Variants in CDH23 observed in about 807,000 individuals in gnomAD.
CDH23 encodes the protein cadherin-23.
Under a neutral mutation model 317.1 loss-of-function variants are expected in CDH23, and 189 were observed. The observed-to-expected ratio is 0.60, with a 90% confidence interval of 0.53 to 0.67. The LOEUF (loss-of-function observed/expected upper bound fraction) is 0.67, where lower values mean the gene tolerates loss of function less well. CDH23 is among the 30% of genes least tolerant of loss of function. The probability of loss-of-function intolerance (pLI) is 0.00; values close to 1 mark genes in which losing one functional copy is unlikely to be tolerated. For missense variants in CDH23, 4,401 were observed against 4,592.4 expected, an observed-to-expected ratio of 0.96 and a Z score of 1.20; for synonymous variants, 1,839 against 1,876.8, an observed-to-expected ratio of 0.98 and a Z score of 0.52.
At chr10:71,783,894 C>T (rs974786623) in intron 41 of CDH23, among the ~76,000 whole-genome samples, 2 of 152,190 alleles carry the variant, frequency 1.3e-5, no homozygotes, top group Admixed American at 6.5e-5. Context: ...TCGTACATTG[C>T]GAAGCACCTG....
intron 4 of CDH23, 130 bp downstream of exon 4, chr10:71,510,354 T>C: frequency 9.6e-7 from 1 of 1,039,880 alleles, no homozygotes; most frequent in East Asian, 2.5e-5. Context: ...GGCATCTTCC[T>C]GCCTGAATGG....
chr10:71,741,104 C>T lies in CDH23; in HGVS notation c.4617+154C>T, dbSNP rs1227053. On this transcript the variant is annotated intron_variant, in intron 37 of 69. Coordinates refer to ENST00000224721, the MANE Select transcript of CDH23 (RefSeq NM_022124.6). ...GGCTCATTCGTAGTGATAGCCCTAA[C>T]GCCTAGCCTGGATCCTAGAATGCAG... 0.71 allele frequency among the ~76,000 whole-genome samples: 107,936 copies of T among 152,126 alleles called. 38,852 individuals carry two copies. Among genetic ancestry groups the T allele is most frequent in the Non-Finnish European group, 0.78 (53,098 of 67,986 alleles).
intron 14 of CDH23, among the ~76,000 whole-genome samples, chr10:71,651,289 G>C (rs1863155366): frequency 6.6e-6 from 1 of 151,656 alleles, no homozygotes; most frequent in African/African-American, 2.4e-5. Context: ...CAACACTTTG[G>C]GAGGCCAAGG....
intron 6 of CDH23, among the ~76,000 whole-genome samples, chr10:71,539,628 T>A (rs2132283695): frequency 6.6e-6 from 1 of 152,192 alleles, no homozygotes; most frequent in African/African-American, 2.4e-5. Context: ...CCAGCCTCTC[T>A]CCTCCTTGGA....
rs145819124 is a variant in CDH23, at chr10:71,506,628, C to A, written c.146-3454C>A. On this transcript the variant is annotated intron_variant, in intron 3 of 69. Coordinates refer to ENST00000224721, the MANE Select transcript of CDH23 (RefSeq NM_022124.6). ...CACAACCATAGGTTGCTGGAAACCTCCCCTGGTGGAGAAACAAGCCTTGCT... is the reference window on the plus strand; with the variant it reads ...CACAACCATAGGTTGCTGGAAACCTACCCTGGTGGAGAAACAAGCCTTGCT... 5.3e-3 allele frequency among the ~76,000 whole-genome samples: 806 copies of A among 152,130 alleles called. 16 individuals are homozygous for A. The highest frequency in any genetic ancestry group is 0.018 in the African/African-American group (751 of 41,518).
chr10:71,485,242 G>C (rs1037603886), intron 3 of CDH23, among the ~76,000 whole-genome samples: 2 of 152,002 alleles, frequency 1.3e-5, no homozygotes, highest in Non-Finnish European at 2.9e-5. Flanking sequence ...AGCCAGCATG[G>C]TCTCAATCTC....
At chr10:71,753,320 TAC>T (rs1339072041) in intron 38 of CDH23, among the ~76,000 whole-genome samples, 1 of 152,258 alleles carries the variant, frequency 6.6e-6, no homozygotes, top group Non-Finnish European at 1.5e-5. Context: ...TGGCTTGACT[TAC>T]ACAGTGTCAG....
At position 71,523,269 on chromosome 10, in the gene CDH23, G is replaced by A. The variant is rs76558024; in HGVS notation, c.429+12057G>A. Reference sequence around the variant, plus strand: ...CAAAAATCTTTAAGGGCTCCTTAGCGGCTAGAACTGATTGTTTTTTCCTTT... The same window carrying A: ...CAAAAATCTTTAAGGGCTCCTTAGCAGCTAGAACTGATTGTTTTTTCCTTT... On this transcript the variant is annotated intron_variant, in intron 6 of 69. Transcript: ENST00000224721. 8.5e-5 allele frequency among the ~76,000 whole-genome samples: 13 copies of A among 152,320 alleles called. No individual in the cohort carries two copies. The East Asian group carries it at 9.6e-4, about 11-fold the overall frequency.
intron 14 of CDH23, among the ~76,000 whole-genome samples, chr10:71,671,211 C>T (rs1015936066): frequency 1.4e-4 from 21 of 152,004 alleles, no homozygotes; most frequent in South Asian, 8.3e-4. Flanking sequence ...CCATCCGCCT[C>T]GGCCTCCCAA....
At chr10:71,567,515 G>C (rs1376273159) in intron 7 of CDH23, among the ~76,000 whole-genome samples, 1 of 152,244 alleles carries the variant, frequency 6.6e-6, no homozygotes, top group Middle Eastern at 3.2e-3. Context: ...GCAGGAGAGG[G>C]TAATTATCCC....
chr10:71,551,873 AC>A (rs1856616372), intron 6 of CDH23, among the ~76,000 whole-genome samples: 1 of 152,122 alleles, frequency 6.6e-6, no homozygotes, highest in Non-Finnish European at 1.5e-5. Flanking sequence ...CCCAGCAGGG[AC>A]AGAGGCACCA....
At position 71,799,290 on chromosome 10, in the gene CDH23, C is replaced by T. The variant is rs1416378033; in HGVS notation, c.7224+10C>T. 8 of 1,613,998 alleles carry T rather than the reference C, an allele frequency of 5.0e-6. No homozygotes were observed. Among genetic ancestry groups the T allele is most frequent in the Non-Finnish European group, 6.8e-6 (8 of 1,179,864 alleles). On this transcript the variant is annotated intron_variant, in intron 51 of 69. Coordinates refer to ENST00000224721, the MANE Select transcript of CDH23 (RefSeq NM_022124.6). ...CCAGCCCTCCTACCAGGTGGGTGGC[C>T]AGGCCACAGGCTGGGTCCAGGACCT... is the stretch of plus-strand genomic sequence containing the variant.
intron 1 of CDH23, among the ~76,000 whole-genome samples, chr10:71,432,959 G>C (rs1003866020): frequency 3.9e-4 from 60 of 152,314 alleles, no homozygotes; most frequent in African/African-American, 1.4e-3. Context: ...CCTTCAGGGA[G>C]GCTCAGGACA....
At chr10:71,586,240 A>G (rs754291441) in intron 9 of CDH23, among the ~76,000 whole-genome samples, 1 of 152,168 alleles carries the variant, frequency 6.6e-6, no homozygotes, top group Non-Finnish European at 1.5e-5. Context: ...GATTCTGGTT[A>G]CCACATGTCA....
At chr10:71,479,513 G>A (rs1851964560) in intron 3 of CDH23, among the ~76,000 whole-genome samples, 1 of 152,184 alleles carries the variant, frequency 6.6e-6, no homozygotes, top group African/African-American at 2.4e-5. Flanking sequence ...AGACACAACA[G>A]GCTCTCTTGA....
intron 3 of CDH23, among the ~76,000 whole-genome samples, chr10:71,463,976 T>C (rs1183345378): frequency 6.6e-6 from 1 of 152,222 alleles, no homozygotes; most frequent in African/African-American, 2.4e-5. Flanking sequence ...TCTCCATCCA[T>C]AACTACTATA....
chr10:71,541,581 A>C (rs1430120582), intron 6 of CDH23, among the ~76,000 whole-genome samples: 3 of 152,242 alleles, frequency 2.0e-5, no homozygotes, highest in African/African-American at 4.8e-5. Flanking sequence ...GTGTGGCTAG[A>C]GAACTTCCGG....
In CDH23 at chr10:71,669,392, G is replaced by A. The variant is rs182683820; in HGVS notation, c.1450-5720G>A. 3.8e-3 allele frequency among the ~76,000 whole-genome samples: 578 copies of A among 151,964 alleles called. 2 individuals are homozygous for A. The highest frequency in any genetic ancestry group is 6.8e-3 in the Non-Finnish European group (462 of 68,004). ...TGTTTTCCTCGTAGTTCTTACCATT[G>A]CCTGGAATTACATTACTTAGTTATT... On this transcript the variant is annotated intron_variant, in intron 14 of 69. Coordinates refer to ENST00000224721, the MANE Select transcript of CDH23 (RefSeq NM_022124.6).
At chr10:71,476,420 C>T (rs1427408993) in intron 3 of CDH23, among the ~76,000 whole-genome samples, 1 of 152,184 alleles carries the variant, frequency 6.6e-6, no homozygotes, top group African/African-American at 2.4e-5. Context: ...AAGTGACATG[C>T]TCAAGGTCAC....
Sources: gnomAD v4.1 joint callset for allele counts (sites outside exome capture counted in the v4.1 genomes callset) on GRCh38, gnomAD v4.1.1 for gene constraint, MANE v1.5 for transcripts, NCBI Gene and HGNC (gene_info 2026-07-23, HGNC 2026-07-21) for gene names.